The following TAFA2 variants were observed in gnomAD, a reference collection of about 807,000 sequenced individuals.
TAFA2 encodes chemokine-like protein TAFA-2.
In TAFA2, 7 loss-of-function variants were observed where a neutral mutation model predicts 18.8. The ratio of observed to expected loss-of-function variants is 0.37; its 90% CI spans 0.21 to 0.70. The LOEUF is 0.70. TAFA2 is among the 30% of genes least tolerant of loss of function. TAFA2 has a pLI of 0.53. For synonymous variants in TAFA2, 60 were observed against 54.2 expected, an observed-to-expected ratio of 1.11 and a Z score of -0.47; for missense variants, 122 against 158.1, an observed-to-expected ratio of 0.77 and a Z score of 1.23.
chr12:62,112,978 T>C (rs1869800242), intron 1 of TAFA2, among the ~76,000 whole-genome samples: 1 of 152,146 alleles, frequency 6.6e-6, no homozygotes, highest in South Asian at 2.1e-4. Context: ...TGAAGCCTAC[T>C]TCTGTCAATT....
intron 1 of TAFA2, among the ~76,000 whole-genome samples, chr12:62,131,701 T>C (rs948713946): frequency 6.6e-6 from 1 of 152,032 alleles, no homozygotes; most frequent in Non-Finnish European, 1.5e-5. Flanking sequence ...AGAAAATCTG[T>C]TTCCACTATC....
chr12:62,038,812 T>C (rs542941341), intron 1 of TAFA2, among the ~76,000 whole-genome samples: 1 of 152,306 alleles, frequency 6.6e-6, no homozygotes, highest in South Asian at 2.1e-4. Context: ...TCACCCACTT[T>C]TTCCGCCAAG....
intron 4 of TAFA2, among the ~76,000 whole-genome samples, chr12:61,723,924 A>G (rs1370086908): frequency 6.6e-6 from 1 of 152,120 alleles, no homozygotes; most frequent in East Asian, 1.9e-4. Flanking sequence ...TCATGAGACA[A>G]TTACCCTACA....
At chr12:62,085,004 C>T (rs1025859820) in intron 1 of TAFA2, among the ~76,000 whole-genome samples, 2 of 152,134 alleles carry the variant, frequency 1.3e-5, no homozygotes, top group African/African-American at 4.8e-5. Context: ...ACTACTCCTG[C>T]TAAACCATCA....
chr12:61,926,307 C>G (rs902057302), intron 1 of TAFA2, among the ~76,000 whole-genome samples: 1 of 152,122 alleles, frequency 6.6e-6, no homozygotes, highest in Non-Finnish European at 1.5e-5. Context: ...CTATTCCAAA[C>G]AATAGAAAAA....
intron 4 of TAFA2, among the ~76,000 whole-genome samples, chr12:61,728,491 CT>C (rs1870280648): frequency 1.3e-5 from 2 of 151,860 alleles, no homozygotes; most frequent in Admixed American, 6.6e-5. Context: ...CTTCTTCCTC[CT>C]TTTTTTAATT....
At position 62,202,894 on chromosome 12, in the gene TAFA2, C is replaced by T. The variant is rs544146398; in HGVS notation, c.-130+55869G>A. Among the ~76,000 whole-genome samples, 199 of 130,992 alleles carry T rather than the reference C, an allele frequency of 1.5e-3. 3 individuals are homozygous for T. Among genetic ancestry groups the T allele is most frequent in the Non-Finnish European group, 2.7e-3 (172 of 64,500 alleles). 85.9% of individuals were successfully genotyped at this position (130,992 alleles called of 152,430 possible). On this transcript the variant is annotated intron_variant, in intron 1 of 5. Coordinates refer to the TAFA2 transcript ENST00000551619. ...CCAGGCTAGAGTGCAGTGGTGCAAT[C>T]GCAGCTCACTGCAACCTCCACCCCC... is the stretch of plus-strand genomic sequence containing the variant.
At chr12:61,713,240 G>C (rs1046573005) in intron 4 of TAFA2, among the ~76,000 whole-genome samples, 5 of 152,068 alleles carry the variant, frequency 3.3e-5, no homozygotes, top group African/African-American at 1.2e-4. Flanking sequence ...TTCAAATGAG[G>C]CAGATGCTGA....
chr12:62,067,825 A>T (rs1882529846), intron 1 of TAFA2, among the ~76,000 whole-genome samples: 2 of 152,078 alleles, frequency 1.3e-5, no homozygotes, highest in Admixed American at 1.3e-4. Context: ...ACTTTTAAAT[A>T]TCCAGATATC....
chr12:62,081,377 C>T (rs189024247), intron 1 of TAFA2, among the ~76,000 whole-genome samples: 1 of 124,642 alleles, frequency 8.0e-6, no homozygotes, highest in East Asian at 2.2e-4. Flanking sequence ...GGAAAAAACC[C>T]TGAGTCTGAG....
At chr12:62,203,965 G>A (rs1396311702) in intron 1 of TAFA2, among the ~76,000 whole-genome samples, 6 of 152,168 alleles carry the variant, frequency 3.9e-5, no homozygotes, top group Non-Finnish European at 8.8e-5. Context: ...TTTTGTAGTG[G>A]CTGGTAATGG....
intron 1 of TAFA2, among the ~76,000 whole-genome samples, chr12:62,061,630 T>C (rs762024674): frequency 6.6e-6 from 1 of 152,196 alleles, no homozygotes; most frequent in Non-Finnish European, 1.5e-5. Context: ...TCTCCTAATA[T>C]AATTTAATGA....
chr12:62,252,887 G>C (rs1341779322), intron 1 of TAFA2: 1 of 152,194 alleles, frequency 6.6e-6, no homozygotes, highest in East Asian at 1.9e-4. Context: ...GGAAGCAGCT[G>C]AAGCACTATT....
chr12:62,256,250 C>A (rs1414311471), intron 1 of TAFA2, among the ~76,000 whole-genome samples: 1 of 151,214 alleles, frequency 6.6e-6, no homozygotes, highest in East Asian at 1.9e-4. Context: ...GCCTGGGCAA[C>A]AGAGTGAGAC....
intron 1 of TAFA2, among the ~76,000 whole-genome samples, chr12:61,928,259 C>T (rs1045788479): frequency 3.4e-4 from 52 of 152,240 alleles, no homozygotes; most frequent in African/African-American, 1.3e-3. Context: ...GCAATCTATC[C>T]ATCTGACAAG....
At chr12:62,094,618 T>C (rs1868864392) in intron 1 of TAFA2, among the ~76,000 whole-genome samples, 1 of 152,052 alleles carries the variant, frequency 6.6e-6, no homozygotes, top group Admixed American at 6.6e-5. Flanking sequence ...TACAGATTTG[T>C]TTATTTATTT....
At chr12:61,860,607 C>T (rs1874086174) in intron 2 of TAFA2, among the ~76,000 whole-genome samples, 1 of 138,620 alleles carries the variant, frequency 7.2e-6, no homozygotes, top group Admixed American at 7.5e-5. Flanking sequence ...TTGCTCTTTG[C>T]TCTTTGCTCT....
intron 1 of TAFA2, among the ~76,000 whole-genome samples, chr12:62,076,078 T>A (rs771187691): frequency 2.0e-5 from 3 of 152,200 alleles, no homozygotes; most frequent in Admixed American, 6.5e-5. Context: ...TGTGACAATA[T>A]CTTTAACCTT....
intron 2 of TAFA2, among the ~76,000 whole-genome samples, chr12:61,863,992 A>G (rs1311142901): frequency 6.6e-6 from 1 of 151,854 alleles, no homozygotes; most frequent in Non-Finnish European, 1.5e-5. Context: ...TCCAGCTGAG[A>G]CTCTATTTGT....
Sources: gnomAD v4.1 joint callset for allele counts (sites outside exome capture counted in the v4.1 genomes callset) on GRCh38, gnomAD v4.1.1 for gene constraint, MANE v1.5 for transcripts, NCBI Gene and HGNC (gene_info 2026-07-23, HGNC 2026-07-21) for gene names.